Variants in PRDM15 observed in about 807,000 individuals in gnomAD.
The protein encoded by PRDM15 is PR domain zinc finger protein 15.
In PRDM15, 64 loss-of-function variants were observed where a neutral mutation model predicts 128.6. That is an observed-to-expected ratio of 0.50 (90% CI 0.41 to 0.61). The LOEUF (loss-of-function observed/expected upper bound fraction) is 0.61, where lower values mean the gene tolerates loss of function less well. PRDM15 is among the 20% of genes least tolerant of loss of function. The pLI, the probability that PRDM15 is intolerant of heterozygous loss-of-function variation, is 0.00. For synonymous variants in PRDM15, 615 were observed against 621.8 expected (o/e 0.99, Z 0.16); for missense variants, 1,242 against 1,569.1 (o/e 0.79, Z 3.52).
chr21:41,852,179 C>T (rs533679135), intron 5 of PRDM15, among the ~76,000 whole-genome samples: 7 of 152,236 alleles, frequency 4.6e-5, no homozygotes, highest in South Asian at 2.1e-4. Flanking sequence ...TCCAATAAGG[C>T]GTGGCAACCT....
intron 1 of PRDM15, among the ~76,000 whole-genome samples, chr21:41,866,418 G>A (rs1312690816): frequency 1.3e-5 from 2 of 152,190 alleles, no homozygotes; most frequent in African/African-American, 2.4e-5. Flanking sequence ...GCCATCCCCC[G>A]TCCATGACAG....
intron 4 of PRDM15, among the ~76,000 whole-genome samples, chr21:41,856,930 A>G (rs891789988): frequency 2.0e-5 from 3 of 152,250 alleles, no homozygotes; most frequent in South Asian, 4.1e-4. Flanking sequence ...TTTCTCCTGC[A>G]TATGTCTTAA....
intron 3 of PRDM15, among the ~76,000 whole-genome samples, chr21:41,858,404 C>T (rs529111064): frequency 1.5e-4 from 22 of 151,222 alleles, no homozygotes; most frequent in East Asian, 7.9e-4. Context: ...CCGACAGAGG[C>T]GGACATTGGG....
At chr21:41,826,104 C>T (rs376794968) in intron 12 of PRDM15, 50 bp from the exon 13 acceptor site, 69 of 1,447,178 alleles carry the variant, frequency 4.8e-5, no homozygotes, top group Admixed American at 3.4e-4. Context: ...ATAGAACACG[C>T]GAAGGTCCAT....
chr21:41,866,981 C>T (rs922663621), intron 1 of PRDM15, among the ~76,000 whole-genome samples: 5 of 152,182 alleles, frequency 3.3e-5, no homozygotes, highest in African/African-American at 9.7e-5. Flanking sequence ...ACAAGGAATC[C>T]GAACTTTCTG....
At position 41,810,104 on chromosome 21, in the gene PRDM15, G is replaced by A. The variant is rs376042093; in HGVS notation, c.2652+50C>T. The A allele has an allele frequency of 1.5e-4, 227 of 1,559,108 alleles. No individual in the cohort carries two copies. The highest frequency in any genetic ancestry group is 1.6e-4 in the Non-Finnish European group (184 of 1,151,658). On this transcript the variant is annotated intron_variant, in intron 21 of 23. Coordinates refer to ENST00000398548, the MANE Select transcript of PRDM15 (RefSeq NM_001040424.3). The surrounding 1 kb of genome is among the most constrained non-coding windows in gnomAD (Gnocchi z 6.4). ...GCCATGTGCCAGCATGGGGGTGTCC[G>A]GTGCGCGGCCCGCTGGCGGGGCACG...
chr21:41,826,146 C>A (rs868341332), intron 12 of PRDM15, 92 bp from the exon 13 acceptor site: 9 of 1,030,168 alleles, frequency 8.7e-6, no homozygotes, highest in African/African-American at 1.6e-5. Context: ...TCCTTTCCAG[C>A]GCACGGGAGG....
At chr21:41,830,949 C>T (rs908580465) in intron 11 of PRDM15, among the ~76,000 whole-genome samples, 1 of 151,792 alleles carries the variant, frequency 6.6e-6, no homozygotes, top group Admixed American at 6.6e-5. Context: ...GGTCCCCTCG[C>T]CCTGCCCCCA....
rs2062553148 is a variant in PRDM15 at position 41,828,550 on chromosome 21, A to AC, written c.1367-218dup. ...GAACCCCGGTGCTTGAAAAGCAGAC[A>AC]CGGAGCTCACCTTTCATCACCAAGC... On this transcript the variant is annotated intron_variant, in intron 11 of 23. Transcript: ENST00000398548. The surrounding 1 kb of genome is among the most constrained non-coding windows in gnomAD (Gnocchi z 5.7). Among the ~76,000 whole-genome samples, 1 of 151,696 alleles carries AC rather than the reference A, an allele frequency of 6.6e-6. No homozygotes were observed. Among genetic ancestry groups the AC allele is most frequent in the African/African-American group, 2.4e-5 (1 of 41,252 alleles).
intron 3 of PRDM15, 38 bp from the exon 4 acceptor site, chr21:41,857,367 T>G: frequency 6.2e-7 from 1 of 1,610,260 alleles, no homozygotes; most frequent in Non-Finnish European, 8.5e-7. Flanking sequence ...AAGAGAGCAC[T>G]CACACCCAGG....
chr21:41,854,690 G>A lies in PRDM15; in HGVS notation c.414C>T (p.Ser138=), dbSNP rs138191812. The change falls in exon 5 of 24, where the codon AGC becomes AGT. Residue 138 remains serine (S), a synonymous_variant. Coordinates refer to ENST00000398548, the MANE Select transcript of PRDM15 (RefSeq NM_001040424.3). The surrounding 1 kb of genome is among the most constrained non-coding windows in gnomAD (Gnocchi z 4.6). Reference sequence around the variant, plus strand: ...CTCTGGAGGTGGTGAAGTACACGTCGCTGCCGTGCTGGTAGGCCGTCAGGT... The same window carrying A: ...CTCTGGAGGTGGTGAAGTACACGTCACTGCCGTGCTGGTAGGCCGTCAGGT... ...HQNLTAYQHG[S]DVYFTTSRDI... 7.4e-4 allele frequency: 1,188 copies of A among 1,613,520 alleles called. 4 individuals carry two copies. In the East Asian group the frequency reaches 0.018, roughly 25 times the overall value.
At chr21:41,835,125 A>G (rs1009651841) in intron 11 of PRDM15, among the ~76,000 whole-genome samples, 1 of 152,134 alleles carries the variant, frequency 6.6e-6, no homozygotes, top group Non-Finnish European at 1.5e-5. Flanking sequence ...CCTAGAAAAC[A>G]TTGGACACTG....
In PRDM15 at chr21:41,803,599, A is replaced by T. The variant is rs141702011; in HGVS notation, c.2734-678T>A. On this transcript the variant is annotated intron_variant, in intron 22 of 23. Coordinates refer to ENST00000398548, the MANE Select transcript of PRDM15 (RefSeq NM_001040424.3). Reference sequence around the variant, plus strand: ...ATTCCACACAACCTGATCCTAACCCAGTGGCAGACAGACCCAGCGTGGGCC... The same window carrying T: ...ATTCCACACAACCTGATCCTAACCCTGTGGCAGACAGACCCAGCGTGGGCC... Among the ~76,000 whole-genome samples the T allele has an allele frequency of 4.0e-3, 609 of 152,282 alleles. 6 individuals are homozygous for T. Among genetic ancestry groups the T allele is most frequent in the African/African-American group, 0.014 (565 of 41,570 alleles).
chr21:41,805,200 T>C (rs1280470411), intron 21 of PRDM15, among the ~76,000 whole-genome samples: 1 of 152,138 alleles, frequency 6.6e-6, no homozygotes, highest in Non-Finnish European at 1.5e-5. Flanking sequence ...TGCCCAAAAG[T>C]GAGTGACCTT....
chr21:41,854,588 C>T lies in PRDM15; in HGVS notation c.516G>A (p.Lys172=). The T allele has an allele frequency of 6.2e-7, 1 of 1,613,530 alleles. No homozygotes were observed. Among genetic ancestry groups the T allele is most frequent in the Non-Finnish European group, 8.5e-7 (1 of 1,179,972 alleles). Residue 172 remains lysine (K), a synonymous_variant, in exon 5 of 24, where the codon AAG becomes AAA. Coordinates refer to ENST00000398548, the MANE Select transcript of PRDM15 (RefSeq NM_001040424.3). This position sits in a 1 kb window ranked among gnomAD's most constrained non-coding sequence, Gnocchi z 4.6. Reference sequence around the variant, plus strand: ...TACCGTGGACGCCAGAGCCGGCCTGCTTCAGCATGGGCTTGTCCATCTTCT... The same window carrying T: ...TACCGTGGACGCCAGAGCCGGCCTGTTTCAGCATGGGCTTGTCCATCTTCT... ...YAKKMDKPML[K]QAGSGVHAAG...
chr21:41,856,899 C>T (rs543806397), intron 4 of PRDM15, among the ~76,000 whole-genome samples: 2 of 152,364 alleles, frequency 1.3e-5, no homozygotes, highest in South Asian at 4.1e-4. Flanking sequence ...GGTCGTAAGA[C>T]AGCTGGAGTC....
intron 6 of PRDM15, among the ~76,000 whole-genome samples, chr21:41,844,174 G>A (rs1164050575): frequency 1.3e-5 from 2 of 151,960 alleles, no homozygotes; most frequent in Admixed American, 6.6e-5. Context: ...AATGGACACC[G>A]TTTGCCTCAT....
chr21:41,867,429 C>T (rs1357384517), intron 1 of PRDM15: 3 of 1,322,624 alleles, frequency 2.3e-6, no homozygotes, highest in Non-Finnish European at 3.3e-6. Context: ...TTCAGCAGAA[C>T]AGGTGAAACA....
chr21:41,845,538 C>T (rs1436265322), intron 6 of PRDM15, among the ~76,000 whole-genome samples: 6 of 151,804 alleles, frequency 4.0e-5, no homozygotes, highest in Non-Finnish European at 8.8e-5. Flanking sequence ...CCGGGCTGCC[C>T]GAGTACCTGG....
Sources: gnomAD v4.1 joint callset for allele counts (sites outside exome capture counted in the v4.1 genomes callset) on GRCh38, gnomAD v4.1.1 for gene constraint, Gnocchi (gnomAD v3.1) non-coding constraint, MANE v1.5 for transcripts, NCBI Gene and HGNC (gene_info 2026-07-23, HGNC 2026-07-21) for gene names.